PABPC4L: variants seen among roughly 807,000 people sequenced by gnomAD.
PABPC4L encodes the protein polyadenylate-binding protein 4-like.
For synonymous variants in PABPC4L, 169 were observed against 164.1 expected (o/e 1.03, Z -0.23); for missense variants, 452 against 451.4 (o/e 1.00, Z -0.01).
chr4:134,032,419 T>C, the PABPC4L span, among the ~76,000 whole-genome samples: 1 of 151,820 alleles, frequency 6.6e-6, no homozygotes, highest in Non-Finnish European at 1.5e-5. Context: ...TTCTTCAGAT[T>C]CTAATGGTGT....
At chr4:134,046,506 C>T in the PABPC4L span, among the ~76,000 whole-genome samples, 95 of 151,908 alleles carry the variant, frequency 6.3e-4, 1 homozygote, top group Non-Finnish European at 1.2e-3. Flanking sequence ...AGGCCTTCCT[C>T]TTATCTCAAC....
the PABPC4L span, among the ~76,000 whole-genome samples, chr4:134,118,517 ATATT>A: frequency 6.6e-6 from 1 of 151,884 alleles, no homozygotes; most frequent in Non-Finnish European, 1.5e-5. Flanking sequence ...AGATTGACAA[ATATT>A]TAAAGATTAA....
chr4:134,054,590 T>G, the PABPC4L span, among the ~76,000 whole-genome samples: 1 of 152,024 alleles, frequency 6.6e-6, no homozygotes, highest in African/African-American at 2.4e-5. Context: ...TTCTCTAAAT[T>G]TTGTCAACTT....
At chr4:133,961,029 C>T in the PABPC4L span, among the ~76,000 whole-genome samples, 1 of 152,126 alleles carries the variant, frequency 6.6e-6, no homozygotes, top group Non-Finnish European at 1.5e-5. Context: ...TAGGGCCCCA[C>T]CCACCATTGG....
chr4:133,990,852 C>T, the PABPC4L span, among the ~76,000 whole-genome samples: 4 of 152,234 alleles, frequency 2.6e-5, no homozygotes, highest in South Asian at 8.3e-4. Context: ...ACCCTTTGCT[C>T]TCAGTTTCTG....
the PABPC4L span, among the ~76,000 whole-genome samples, chr4:134,079,671 CTGTG>C: frequency 7.1e-6 from 1 of 140,904 alleles, no homozygotes; most frequent in Admixed American, 7.3e-5. Context: ...GTGTGTATGT[CTGTG>C]TGTGTGTGTG....
At chr4:134,089,654 A>AATACAC in the PABPC4L span, among the ~76,000 whole-genome samples, 1 of 152,156 alleles carries the variant, frequency 6.6e-6, no homozygotes, top group Non-Finnish European at 1.5e-5. Context: ...AACAATACAC[A>AATACAC]AATGCACTTA....
chr4:134,120,058 C>G, the PABPC4L span, among the ~76,000 whole-genome samples: 10 of 151,540 alleles, frequency 6.6e-5, no homozygotes, highest in African/African-American at 2.4e-4. Context: ...CACATATTTT[C>G]TGGTACATAT....
At chr4:133,979,326 A>C in the PABPC4L span, among the ~76,000 whole-genome samples, 1 of 152,216 alleles carries the variant, frequency 6.6e-6, no homozygotes, top group African/African-American at 2.4e-5. Flanking sequence ...CTAATCCTAA[A>C]GTTCAAATGG....
the PABPC4L span, among the ~76,000 whole-genome samples, chr4:134,080,657 T>G: frequency 6.6e-6 from 1 of 152,120 alleles, no homozygotes; most frequent in Non-Finnish European, 1.5e-5. Context: ...TTTTTATGTA[T>G]CCACAGAAAG....
chr4:134,145,169 G>A, the PABPC4L span, among the ~76,000 whole-genome samples: 101 of 151,876 alleles, frequency 6.7e-4, no homozygotes, highest in East Asian at 0.017. Flanking sequence ...GTGACTTGAT[G>A]AGCCTATCTG....
At chr4:134,168,394 T>C in the PABPC4L span, among the ~76,000 whole-genome samples, 1 of 151,362 alleles carries the variant, frequency 6.6e-6, no homozygotes, top group African/African-American at 2.4e-5. Flanking sequence ...AACCTCAAAT[T>C]AGTAGAAGAG....
the PABPC4L span, among the ~76,000 whole-genome samples, chr4:133,986,323 C>A: frequency 6.6e-6 from 1 of 151,380 alleles, no homozygotes; most frequent in African/African-American, 2.4e-5. Context: ...ACTAAGATAG[C>A]AAAACAAACC....
At chr4:134,083,119 TA>T in the PABPC4L span, among the ~76,000 whole-genome samples, 54 of 152,272 alleles carry the variant, frequency 3.5e-4, no homozygotes, top group Non-Finnish European at 5.3e-4. Context: ...AGATAATTGT[TA>T]AGAACCTACT....
the PABPC4L span, among the ~76,000 whole-genome samples, chr4:134,183,033 G>A: frequency 6.6e-6 from 1 of 151,910 alleles, no homozygotes; most frequent in Non-Finnish European, 1.5e-5. Flanking sequence ...TCAGCTATGT[G>A]GAAAGCAGTA....
chr4:134,161,351 G>A, the PABPC4L span, among the ~76,000 whole-genome samples: 1 of 151,876 alleles, frequency 6.6e-6, no homozygotes, highest in South Asian at 2.1e-4. Flanking sequence ...GAGAGAATGG[G>A]ATACAAATCT....
chr4:134,128,824 C>G, the PABPC4L span, among the ~76,000 whole-genome samples: 1 of 152,120 alleles, frequency 6.6e-6, no homozygotes, highest in Non-Finnish European at 1.5e-5. Context: ...TCTCACATCT[C>G]AATACCATTG....
At chr4:134,189,866 C>T in the PABPC4L span, among the ~76,000 whole-genome samples, 3 of 152,124 alleles carry the variant, frequency 2.0e-5, no homozygotes, top group Admixed American at 6.6e-5. Flanking sequence ...AACAAAACCC[C>T]CTAGGTTAGG....
At chr4:134,021,887 G>C in the PABPC4L span, among the ~76,000 whole-genome samples, 2 of 152,054 alleles carry the variant, frequency 1.3e-5, no homozygotes, top group East Asian at 3.9e-4. Flanking sequence ...ATTAGTTACT[G>C]TTCCTTTACT....
Sources: allele counts gnomAD v4.1 joint callset (sites outside exome capture counted in the v4.1 genomes callset), GRCh38; gene constraint gnomAD v4.1.1; transcripts MANE v1.5; gene names NCBI Gene and HGNC (gene_info 2026-07-23, HGNC 2026-07-21).